AP3D1: variants seen among roughly 807,000 people sequenced by gnomAD.
AP3D1 encodes adaptor related protein complex 3 subunit delta 1, also known as AP-3 complex subunit delta-1.
AP3D1 carries 51 observed loss-of-function variants against 147.6 expected under a neutral mutation model. That is an observed-to-expected ratio of 0.35 (90% CI 0.28 to 0.44). The LOEUF (loss-of-function observed/expected upper bound fraction) is 0.44. Among genes scored for constraint, AP3D1 ranks in the 20% least tolerant of loss-of-function variants. The probability of loss-of-function intolerance (pLI) is 1.00; values close to 1 mark genes in which losing one functional copy is unlikely to be tolerated. For synonymous variants in AP3D1, 760 were observed against 663.0 expected (o/e 1.15, Z -2.25); for missense variants, 1,421 against 1,624.2 (o/e 0.87, Z 2.15).
intron 10 of AP3D1, 64 bp from the exon 11 acceptor site, chr19:2,123,470 C>T (rs2018665242): frequency 5.8e-6 from 9 of 1,559,212 alleles, no homozygotes; most frequent in African/African-American, 1.4e-5. Context: ...CCCACAGGTA[C>T]CCTCCAGATT....
chr19:2,125,359 A>C (rs889360616), intron 9 of AP3D1, among the ~76,000 whole-genome samples: 2 of 152,134 alleles, frequency 1.3e-5, no homozygotes, highest in African/African-American at 4.8e-5. Context: ...CTTGTTGCCC[A>C]GGCTGGAGTG....
At chr19:2,119,658 T>C (rs1289860082) in intron 14 of AP3D1, among the ~76,000 whole-genome samples, 3 of 130,152 alleles carry the variant, frequency 2.3e-5, no homozygotes, top group African/African-American at 9.0e-5. Context: ...ATCATGCCAC[T>C]GCACTCCAGC....
intron 1 of AP3D1, among the ~76,000 whole-genome samples, chr19:2,139,711 C>T (rs1043163347): frequency 6.6e-6 from 1 of 152,228 alleles, no homozygotes; most frequent in African/African-American, 2.4e-5. Context: ...CTCCATCATC[C>T]GACAGGTCAG....
At chr19:2,163,307 C>T (rs2019770462) in intron 1 of AP3D1, among the ~76,000 whole-genome samples, 1 of 151,960 alleles carries the variant, frequency 6.6e-6, no homozygotes, top group Non-Finnish European at 1.5e-5. Context: ...CTCCTGACCT[C>T]AGGTGATCTT....
chr19:2,114,148 TCTC>T lies in AP3D1; in HGVS notation c.2575_2577del (p.Glu859del), dbSNP rs754351343. On this transcript the variant is annotated inframe_deletion, in exon 22 of 32. Transcript: ENST00000643116. ...ACCTTCTTCTCCTTCTCCTTCTTCTTCTCCTTGTCTCTCTCTTTCTCTTTGTGT... is the reference window on the plus strand; with the variant it reads ...ACCTTCTTCTCCTTCTCCTTCTTCTTCTTGTCTCTCTCTTTCTCTTTGTGT... 34 of 1,563,770 alleles carry T rather than the reference TCTC, an allele frequency of 2.2e-5. No individual in the cohort carries two copies. Among genetic ancestry groups the T allele is most frequent in the Non-Finnish European group, 1.6e-5 (19 of 1,154,130 alleles).
rs1025395190 is a variant in AP3D1 at position 2,111,703 on chromosome 19, G to A, written c.2913C>T (p.Gly971=). 1.7e-5 allele frequency: 27 copies of A among 1,597,882 alleles called. No individual in the cohort carries two copies. Among genetic ancestry groups the A allele is most frequent in the Admixed American group, 3.4e-5 (2 of 58,134 alleles). The part of the protein sequence containing the change: ...EEAAGEPVQN[G]APEEEQLPPE... The stretch of plus-strand genomic sequence containing the variant: ...CCGGGAGCTGCTCCTCCTCTGGCGC[G>A]CCATTCTGCACCGGCTCCCCCGCTG... Residue 971 remains glycine (G), a synonymous_variant, in exon 25 of 32, where the codon GGC becomes GGT. Coordinates refer to ENST00000643116, the MANE Select transcript of AP3D1 (RefSeq NM_001261826.3).
chr19:2,138,040 T>G (rs1227599186), intron 2 of AP3D1, among the ~76,000 whole-genome samples: 4 of 152,190 alleles, frequency 2.6e-5, no homozygotes, highest in Non-Finnish European at 5.9e-5. Flanking sequence ...AGAGACTCAA[T>G]GTCTGCAATT....
At chr19:2,145,837 C>T (rs901176670) in intron 1 of AP3D1, among the ~76,000 whole-genome samples, 1 of 152,198 alleles carries the variant, frequency 6.6e-6, no homozygotes, top group African/African-American at 2.4e-5. Context: ...GACAAAGAGG[C>T]CCAAGCCTCT....
At chr19:2,164,593 C>T (rs1413654546), upstream of AP3D1, 2 of 213,834 alleles carry the variant, frequency 9.4e-6, no homozygotes, top group Non-Finnish European at 1.9e-5. Context: ...GAAGCCCGCC[C>T]GCCCGCCCCG....
In AP3D1 at chr19:2,114,148, T is replaced by C. The variant is rs1447416263; in HGVS notation, c.2578A>G (p.Lys860Glu). Residue 860 changes from lysine to glutamate, a missense_variant, in exon 22 of 32, where the codon AAG (lysine) becomes GAG (glutamate). Lys to Glu is a moderately conservative substitution (Grantham distance 56). Coordinates refer to ENST00000643116, the MANE Select transcript of AP3D1 (RefSeq NM_001261826.3). ...KHKEKERDKE[K>E]KKEKEKKAED... The stretch of plus-strand genomic sequence containing the variant: ...ACCTTCTTCTCCTTCTCCTTCTTCT[T>C]CTCCTTGTCTCTCTCTTTCTCTTTG... 32 of 1,563,770 alleles carry C rather than the reference T, an allele frequency of 2.0e-5. No homozygotes were observed. The highest frequency in any genetic ancestry group is 2.8e-5 in the Non-Finnish European group (32 of 1,154,130).
intron 5 of AP3D1, among the ~76,000 whole-genome samples, chr19:2,132,082 C>A (rs544691738): frequency 6.6e-6 from 1 of 152,084 alleles, no homozygotes; most frequent in African/African-American, 2.4e-5. Context: ...CAGCCGGGGG[C>A]GTAGCCTTTG....
intron 10 of AP3D1, 139 bp downstream of exon 10, chr19:2,123,691 C>T (rs540752361): frequency 8.7e-6 from 9 of 1,031,344 alleles, no homozygotes; most frequent in East Asian, 5.2e-5. Flanking sequence ...GCACACAGGA[C>T]GCGGCTGTGC....
At chr19:2,164,181 G>C (rs758629663) in intron 1 of AP3D1, 1 of 1,197,292 alleles carries the variant, frequency 8.4e-7, no homozygotes, top group East Asian at 3.6e-5. Flanking sequence ...CCGCGCGCGC[G>C]GACATGGGGG....
At chr19:2,150,276 G>C (rs1446757527) in intron 1 of AP3D1, among the ~76,000 whole-genome samples, 1 of 152,190 alleles carries the variant, frequency 6.6e-6, no homozygotes, top group African/African-American at 2.4e-5. Context: ...TGTCCACGCA[G>C]GGAAGCAGGC....
At chr19:2,151,657 G>A (rs2019519338), upstream of AP3D1, 1 of 152,956 alleles carries the variant, frequency 6.5e-6, no homozygotes, top group South Asian at 2.1e-4. Context: ...CTCCCCGGCA[G>A]GGAGACGCTG....
At chr19:2,157,947 G>C (rs1340361543) in intron 1 of AP3D1, among the ~76,000 whole-genome samples, 1 of 152,236 alleles carries the variant, frequency 6.6e-6, no homozygotes, top group Admixed American at 6.5e-5. Context: ...TGAGCTTGAT[G>C]GGTTGATAAA....
chr19:2,128,475 C>A (rs4006063), intron 8 of AP3D1, among the ~76,000 whole-genome samples: 14,316 of 73,574 alleles, frequency 0.19, 777 homozygotes, highest in African/African-American at 0.26. Flanking sequence ...CCGCCCCCGC[C>A]GCTCCGACAC....
intron 1 of AP3D1, among the ~76,000 whole-genome samples, chr19:2,163,905 G>C (rs1411159797): frequency 6.7e-6 from 1 of 149,808 alleles, no homozygotes; most frequent in Non-Finnish European, 1.5e-5. Context: ...AGCGCGCGGG[G>C]CGAGTGGTTC....
In AP3D1 at chr19:2,129,214, G is replaced by A. The variant is rs775863432; in HGVS notation, c.733-51C>T. The A allele has an allele frequency of 8.1e-6, 13 of 1,608,798 alleles. No individual in the cohort carries two copies. In the African/African-American group the frequency reaches 1.6e-4, roughly 20 times the overall value. Reference sequence around the variant, plus strand: ...ACCCGCAGGGAATGCCCCACGCAGGGTGAGGGACAGGGGGGGCCTCGGTCA... The same window carrying A: ...ACCCGCAGGGAATGCCCCACGCAGGATGAGGGACAGGGGGGGCCTCGGTCA... On this transcript the variant is annotated intron_variant, in intron 7 of 31. Coordinates refer to ENST00000643116, the MANE Select transcript of AP3D1 (RefSeq NM_001261826.3).
Sources: gnomAD v4.1 joint callset for allele counts (sites outside exome capture counted in the v4.1 genomes callset) on GRCh38, gnomAD v4.1.1 for gene constraint, MANE v1.5 for transcripts, NCBI Gene and HGNC (gene_info 2026-07-23, HGNC 2026-07-21) for gene names.